The following CNTNAP2 variants were observed in gnomAD, a reference collection of about 807,000 sequenced individuals.
The protein encoded by CNTNAP2 is contactin associated protein 2.
Under a neutral mutation model 155.2 loss-of-function variants are expected in CNTNAP2, and 98 were observed. The observed-to-expected ratio is 0.63, with a 90% confidence interval of 0.54 to 0.75. The LOEUF is 0.75. Ranked by LOEUF, CNTNAP2 falls within the 30% of genes least tolerant of loss-of-function variation. The pLI, the probability that CNTNAP2 is intolerant of heterozygous loss-of-function variation, is 0.00. For missense variants in CNTNAP2, 1,727 were observed against 1,688.1 expected (o/e 1.02, Z -0.40); for synonymous variants, 651 against 631.2 (o/e 1.03, Z -0.47).
At chr7:146,149,393 A>C (rs1334097345) in intron 1 of CNTNAP2, among the ~76,000 whole-genome samples, 2 of 152,114 alleles carry the variant, frequency 1.3e-5, no homozygotes, top group Non-Finnish European at 2.9e-5. Context: ...CTGTCATGTA[A>C]ATTAATCCAT....
chr7:147,907,314 C>G (rs1276785161), intron 14 of CNTNAP2, among the ~76,000 whole-genome samples: 1 of 152,180 alleles, frequency 6.6e-6, no homozygotes, highest in Non-Finnish European at 1.5e-5. Context: ...CCTCGGCCTC[C>G]CAAAGTGCTG....
intron 1 of CNTNAP2, among the ~76,000 whole-genome samples, chr7:146,414,887 T>C (rs900217387): frequency 1.3e-5 from 2 of 152,138 alleles, no homozygotes; most frequent in Non-Finnish European, 2.9e-5. Context: ...TGCTGCTAAA[T>C]ACTATTTGAA....
chr7:147,308,972 G>A (rs548843408), intron 9 of CNTNAP2, among the ~76,000 whole-genome samples: 1 of 152,246 alleles, frequency 6.6e-6, no homozygotes, highest in South Asian at 2.1e-4. Flanking sequence ...CTGACTTAAA[G>A]CTAAGAAGCT....
At chr7:146,329,231 C>CCCTGAT (rs1287916508) in intron 1 of CNTNAP2, among the ~76,000 whole-genome samples, 1 of 152,164 alleles carries the variant, frequency 6.6e-6, no homozygotes. Flanking sequence ...ATTTGCGTTT[C>CCCTGAT]CCTGATGATT....
intron 15 of CNTNAP2, among the ~76,000 whole-genome samples, chr7:148,106,493 G>GATAGATATATATATATATAT (rs1490418389): frequency 2.3e-4 from 29 of 124,922 alleles, no homozygotes; most frequent in Non-Finnish European, 3.2e-4. Flanking sequence ...CACACTTTGA[G>GATAGATATATATATATATAT]ATATATATAT....
At chr7:147,709,634 C>T (rs767913590) in intron 13 of CNTNAP2, among the ~76,000 whole-genome samples, 5 of 152,074 alleles carry the variant, frequency 3.3e-5, no homozygotes, top group Non-Finnish European at 5.9e-5. Flanking sequence ...CTGGACTGGG[C>T]GTTTGATACA....
At chr7:147,036,253 T>G (rs1486855746) in intron 3 of CNTNAP2, among the ~76,000 whole-genome samples, 1 of 152,222 alleles carries the variant, frequency 6.6e-6, no homozygotes. Flanking sequence ...TACTGTCTGG[T>G]ACTTTGCAGA....
Position 147,485,896 on chromosome 7 carries a change from G to T in CNTNAP2, c.1671-39G>T, listed in dbSNP as rs369159706. Reference sequence around the variant, plus strand: ...ATTTGGCCACTCATAAATCTCATTTGTTTGTTGGTTTATTTCTGTTTGTCT... The same window carrying T: ...ATTTGGCCACTCATAAATCTCATTTTTTTGTTGGTTTATTTCTGTTTGTCT... On this transcript the variant is annotated intron_variant, in intron 10 of 23. Transcript: ENST00000361727. 4.8e-4 allele frequency: 774 copies of T among 1,600,090 alleles called. 1 individual carries two copies. Among genetic ancestry groups the T allele is most frequent in the Non-Finnish European group, 6.3e-4 (737 of 1,167,418 alleles).
chr7:148,337,299 C>T (rs893714538), intron 21 of CNTNAP2, among the ~76,000 whole-genome samples: 2 of 152,056 alleles, frequency 1.3e-5, no homozygotes, highest in Non-Finnish European at 2.9e-5. Flanking sequence ...AAGCAGCTCC[C>T]TCTTATCCTG....
At chr7:147,384,206 G>A (rs948968423) in intron 9 of CNTNAP2, among the ~76,000 whole-genome samples, 5 of 152,078 alleles carry the variant, frequency 3.3e-5, no homozygotes, top group African/African-American at 4.8e-5. Context: ...TAGCAAAGTA[G>A]CCACACAATA....
chr7:147,524,358 C>G (rs1300594953), intron 11 of CNTNAP2, among the ~76,000 whole-genome samples: 2 of 152,270 alleles, frequency 1.3e-5, no homozygotes, highest in Admixed American at 6.5e-5. Flanking sequence ...CCATTGCACT[C>G]CAGCCTGGGC....
intron 1 of CNTNAP2, among the ~76,000 whole-genome samples, chr7:146,546,837 G>A (rs1484730025): frequency 2.0e-5 from 3 of 151,782 alleles, no homozygotes; most frequent in African/African-American, 2.4e-5. Flanking sequence ...CAAGAACAGC[G>A]GCACTGGGGT....
chr7:147,957,342 G>A (rs1801034529), intron 14 of CNTNAP2, among the ~76,000 whole-genome samples: 1 of 152,144 alleles, frequency 6.6e-6, no homozygotes, highest in African/African-American at 2.4e-5. Flanking sequence ...ATGAAGAAAA[G>A]GAGTGAGGAC....
At chr7:147,380,070 T>C (rs940039118) in intron 9 of CNTNAP2, among the ~76,000 whole-genome samples, 1 of 152,122 alleles carries the variant, frequency 6.6e-6, no homozygotes, top group African/African-American at 2.4e-5. Flanking sequence ...GGAAATGTAA[T>C]CCTTAGAGAT....
chr7:147,362,236 A>G (rs1361760680), intron 9 of CNTNAP2, among the ~76,000 whole-genome samples: 1 of 152,164 alleles, frequency 6.6e-6, no homozygotes. Context: ...GAACTCAAAC[A>G]ATCTTTCCAC....
At chr7:146,243,954 G>T (rs1003616250) in intron 1 of CNTNAP2, among the ~76,000 whole-genome samples, 1 of 152,080 alleles carries the variant, frequency 6.6e-6, no homozygotes, top group Non-Finnish European at 1.5e-5. Flanking sequence ...GATTAGGGGC[G>T]GTGTGGGAAC....
intron 22 of CNTNAP2, among the ~76,000 whole-genome samples, chr7:148,400,280 C>T (rs892091855): frequency 1.3e-5 from 2 of 152,214 alleles, no homozygotes; most frequent in African/African-American, 2.4e-5. Context: ...TGCCGCCACG[C>T]GCATTCTGGA....
chr7:146,931,897 A>G (rs1796767723), intron 3 of CNTNAP2, among the ~76,000 whole-genome samples: 1 of 152,174 alleles, frequency 6.6e-6, no homozygotes, highest in Non-Finnish European at 1.5e-5. Context: ...GAAGAAGTTG[A>G]ATCTCCGAAT....
chr7:147,010,352 G>A (rs184066834), intron 3 of CNTNAP2, among the ~76,000 whole-genome samples: 4 of 151,142 alleles, frequency 2.6e-5, no homozygotes, highest in Admixed American at 1.3e-4. Context: ...AATGGATTAT[G>A]CCTTCTTGAA....
Sources: gnomAD v4.1 joint callset for allele counts (sites outside exome capture counted in the v4.1 genomes callset) on GRCh38, gnomAD v4.1.1 for gene constraint, MANE v1.5 for transcripts, NCBI Gene and HGNC (gene_info 2026-07-23, HGNC 2026-07-21) for gene names.